Variants in SETD5 observed in about 807,000 individuals in gnomAD.
SETD5 encodes histone-lysine N-methyltransferase SETD5.
SETD5 carries 44 observed loss-of-function variants against 153.3 expected under a neutral mutation model. The observed-to-expected ratio is 0.29, with a 90% CI of 0.23 to 0.37. The LOEUF (loss-of-function observed/expected upper bound fraction) is 0.37, where lower values mean the gene tolerates loss of function less well. SETD5 is among the 10% of genes least tolerant of loss of function. The probability of loss-of-function intolerance (pLI) is 1.00; values close to 1 mark genes in which losing one functional copy is unlikely to be tolerated. For synonymous variants in SETD5, 716 were observed against 645.2 expected (o/e 1.11, Z -1.66); for missense variants, 1,544 against 1,768.0 (o/e 0.87, Z 2.27).
At chr3:9,453,951 T>C in intron 17 of SETD5, 83 bp downstream of exon 17, 2 of 1,373,476 alleles carry the variant, frequency 1.5e-6, no homozygotes, top group Non-Finnish European at 1.9e-6. Flanking sequence ...GTATTTCTGA[T>C]ACAAAAAGAA....
intron 18 of SETD5, among the ~76,000 whole-genome samples, chr3:9,467,592 A>G (rs1315879908): frequency 6.6e-6 from 1 of 152,144 alleles, no homozygotes; most frequent in Non-Finnish European, 1.5e-5. Context: ...CTACCTCAGC[A>G]TGTGCCTGCC....
At chr3:9,469,470 G>A (rs1017755803) in intron 18 of SETD5, among the ~76,000 whole-genome samples, 3 of 152,186 alleles carry the variant, frequency 2.0e-5, no homozygotes, top group Non-Finnish European at 4.4e-5. Context: ...TTCAGTGACA[G>A]TCTACTAAGT....
At chr3:9,433,519 C>G in intron 3 of SETD5, 6 of 1,294,268 alleles carry the variant, frequency 4.6e-6, no homozygotes, top group Non-Finnish European at 6.0e-6. Flanking sequence ...TGAGTCTAAA[C>G]CAGCCCAGAG....
intron 18 of SETD5, among the ~76,000 whole-genome samples, chr3:9,467,091 C>T (rs990526425): frequency 4.1e-5 from 6 of 147,914 alleles, no homozygotes; most frequent in Non-Finnish European, 5.9e-5. Flanking sequence ...CCCAGCTACT[C>T]GGGAGGCCAA....
intron 2 of SETD5, among the ~76,000 whole-genome samples, chr3:9,427,937 T>C (rs769689155): frequency 3.4e-4 from 52 of 152,362 alleles, no homozygotes; most frequent in Admixed American, 5.2e-4. Flanking sequence ...CAGCTTTCAC[T>C]GGTTTATGGT....
chr3:9,457,251 G>A (rs967161632), intron 17 of SETD5, among the ~76,000 whole-genome samples: 2 of 152,116 alleles, frequency 1.3e-5, no homozygotes, highest in Non-Finnish European at 2.9e-5. Flanking sequence ...CACTTTGGGA[G>A]GCCGAGATGG....
intron 8 of SETD5, 93 bp downstream of exon 8, chr3:9,440,791 T>C (rs1199488561): frequency 1.4e-6 from 2 of 1,434,096 alleles, no homozygotes; most frequent in Non-Finnish European, 1.9e-6. Context: ...TCCTTCCAAA[T>C]GTACAAGGCC....
intron 2 of SETD5, among the ~76,000 whole-genome samples, chr3:9,428,322 G>T (rs543582212): frequency 6.6e-6 from 1 of 152,128 alleles, no homozygotes; most frequent in Admixed American, 6.5e-5. Context: ...TTCCAATCAA[G>T]TATAAACAAC....
At chr3:9,471,578 G>A (rs563611588) in intron 19 of SETD5, among the ~76,000 whole-genome samples, 2 of 152,174 alleles carry the variant, frequency 1.3e-5, no homozygotes, top group South Asian at 2.1e-4. Context: ...GTGGAAGGCC[G>A]GGGGAGCCAG....
chr3:9,420,334 C>A (rs1283234707), intron 1 of SETD5, among the ~76,000 whole-genome samples: 5 of 152,142 alleles, frequency 3.3e-5, no homozygotes, highest in African/African-American at 1.2e-4. Flanking sequence ...ATGACTTGGT[C>A]TCTATAATAC....
intron 1 of SETD5, among the ~76,000 whole-genome samples, chr3:9,418,864 T>G (rs1430554010): frequency 6.6e-6 from 1 of 152,098 alleles, no homozygotes; most frequent in Non-Finnish European, 1.5e-5. Flanking sequence ...AACTTTCATT[T>G]TAGGGTTTCT....
Position 9,447,798 on chromosome 3 carries a change from G to T in SETD5, c.1895G>T (p.Arg632Leu), listed in dbSNP as rs772791035. 1 of 1,613,984 alleles carries T rather than the reference G, an allele frequency of 6.2e-7. No individual in the cohort carries two copies. The highest frequency in any genetic ancestry group is 1.1e-5 in the South Asian group (1 of 91,080). ...ACCAGTTCAGCCCAAAGACTAAAGC[G>T]TCAGAAGCAGGCCAATGCACAGCAG... ...YRTSSAQRLKRQKQANAQQAE... is the reference protein window; with the variant it reads ...YRTSSAQRLKLQKQANAQQAE... The change falls in exon 15 of 23, where the codon CGT becomes CTT. Residue 632 changes from arginine to leucine, a missense_variant. Transcript: ENST00000402198.
chr3:9,475,969 T>A lies in SETD5; in HGVS notation c.4207T>A (p.Ser1403Thr), dbSNP rs376512544. ...TGGGCAGTCAGCTGTCTACCAGGCC[T>A]CCAGGGTATCTGCGGTTTCCAATTC... ...SAGQSAVYQA[S>T]RVSAVSNSQH... Residue 1403 changes from serine to threonine, a missense_variant, in exon 23 of 23, where the codon TCC (serine) becomes ACC (threonine). Physicochemically the swap from Ser to Thr is moderately conservative, Grantham distance 58. Coordinates refer to ENST00000402198, the MANE Select transcript of SETD5 (RefSeq NM_001080517.3). The A allele has an allele frequency of 6.2e-7, 1 of 1,613,892 alleles. No individual in the cohort carries two copies. The highest frequency in any genetic ancestry group is 8.5e-7 in the Non-Finnish European group (1 of 1,179,900).
chr3:9,417,873 C>G (rs562188660), intron 1 of SETD5, among the ~76,000 whole-genome samples: 1 of 151,204 alleles, frequency 6.6e-6, no homozygotes, highest in Non-Finnish European at 1.5e-5. Context: ...AGGTTTCTTT[C>G]CAAAGGTGAT....
At chr3:9,466,061 G>A (rs982733600) in intron 18 of SETD5, among the ~76,000 whole-genome samples, 4 of 152,098 alleles carry the variant, frequency 2.6e-5, no homozygotes, top group African/African-American at 9.7e-5. Context: ...GGCTGAGGCA[G>A]GCGGATCACG....
chr3:9,423,610 T>C (rs1283845593), intron 1 of SETD5, among the ~76,000 whole-genome samples: 1 of 152,240 alleles, frequency 6.6e-6, no homozygotes, highest in African/African-American at 2.4e-5. Context: ...CTTTTATTTC[T>C]CTAATTCTGG....
At chr3:9,452,898 C>A (rs1427820880) in intron 16 of SETD5, among the ~76,000 whole-genome samples, 2 of 151,968 alleles carry the variant, frequency 1.3e-5, no homozygotes, top group Non-Finnish European at 1.5e-5. Context: ...GGCAGGAGAG[C>A]CACAGAGTGG....
At chr3:9,416,621 A>G (rs1385839554) in intron 1 of SETD5, among the ~76,000 whole-genome samples, 1 of 152,244 alleles carries the variant, frequency 6.6e-6, no homozygotes, top group Non-Finnish European at 1.5e-5. Flanking sequence ...GTTGAATTGC[A>G]TAAGCTTCTT....
At chr3:9,405,831 T>C (rs981131418) in intron 1 of SETD5, among the ~76,000 whole-genome samples, 5 of 152,246 alleles carry the variant, frequency 3.3e-5, no homozygotes, top group Non-Finnish European at 7.3e-5. Context: ...TGGATTTTCT[T>C]CCCCATCTCT....
Sources: gnomAD v4.1 joint callset for allele counts (sites outside exome capture counted in the v4.1 genomes callset) on GRCh38, gnomAD v4.1.1 for gene constraint, MANE v1.5 for transcripts, NCBI Gene and HGNC (gene_info 2026-07-23, HGNC 2026-07-21) for gene names.